NHSL1: variants seen among roughly 807,000 people sequenced by gnomAD.
NHSL1 encodes NHS like 1, also known as NHS-like protein 1.
In NHSL1, 48 loss-of-function variants were observed where a neutral mutation model predicts 95.0. The ratio of observed to expected loss-of-function variants is 0.51; its 90% confidence interval spans 0.40 to 0.64. The LOEUF is 0.64. Ranked by LOEUF, NHSL1 falls within the 30% of genes least tolerant of loss-of-function variation. The pLI is 0.00. For missense variants in NHSL1, 1,971 were observed against 2,077.7 expected (o/e 0.95, Z 1.00); for synonymous variants, 783 against 833.9 (o/e 0.94, Z 1.05).
intron 1 of NHSL1, among the ~76,000 whole-genome samples, chr6:138,647,849 C>T (rs1412002712): frequency 6.6e-6 from 1 of 152,172 alleles, no homozygotes; most frequent in Non-Finnish European, 1.5e-5. Flanking sequence ...CCACCTGCCT[C>T]GGCCTCCCAA....
At chr6:138,685,117 A>T (rs1035075483) in intron 1 of NHSL1, among the ~76,000 whole-genome samples, 1 of 152,078 alleles carries the variant, frequency 6.6e-6, no homozygotes, top group Non-Finnish European at 1.5e-5. Context: ...CTTTTGTTAA[A>T]TTTTTTCATT....
intron 4 of NHSL1, among the ~76,000 whole-genome samples, chr6:138,442,678 G>A (rs757126823): frequency 6.6e-6 from 1 of 152,162 alleles, no homozygotes; most frequent in Non-Finnish European, 1.5e-5. Context: ...AAAATGAAAC[G>A]CCTTATAATG....
intron 1 of NHSL1, chr6:138,650,506 T>C (rs62432537): frequency 0.026 from 17,649 of 683,052 alleles, 309 homozygotes; most frequent in Non-Finnish European, 0.031. Context: ...AGGTAGGCAC[T>C]GATGAAGTAG....
chr6:138,516,763 T>C (rs1781477849), intron 1 of NHSL1, among the ~76,000 whole-genome samples: 1 of 152,098 alleles, frequency 6.6e-6, no homozygotes, highest in Non-Finnish European at 1.5e-5. Context: ...ACCTCCCAAG[T>C]AGTTGGGACT....
At chr6:138,529,113 T>A (rs1448770378) in intron 1 of NHSL1, among the ~76,000 whole-genome samples, 2 of 152,204 alleles carry the variant, frequency 1.3e-5, no homozygotes, top group African/African-American at 4.8e-5. Context: ...TTCCCTTGAT[T>A]GATGTCTCCG....
intron 7 of NHSL1, among the ~76,000 whole-genome samples, chr6:138,426,713 T>C (rs1221489364): frequency 2.0e-5 from 3 of 152,166 alleles, no homozygotes; most frequent in African/African-American, 7.2e-5. Flanking sequence ...GTCAAAAAGA[T>C]GCCACTAAAG....
upstream of NHSL1, among the ~76,000 whole-genome samples, chr6:138,500,519 A>C (rs974045309): frequency 6.6e-6 from 1 of 152,254 alleles, no homozygotes; most frequent in Non-Finnish European, 1.5e-5. Context: ...AACACTTTTG[A>C]AACAATTTAG....
chr6:138,673,157 A>G (rs1785400907), intron 1 of NHSL1, among the ~76,000 whole-genome samples: 1 of 152,168 alleles, frequency 6.6e-6, no homozygotes, highest in African/African-American at 2.4e-5. Context: ...GTAACTTGGA[A>G]TCCAGTAACT....
At chr6:138,489,911 G>GGGAGAGA (rs1779960302) in intron 2 of NHSL1, among the ~76,000 whole-genome samples, 1 of 55,730 alleles carries the variant, frequency 1.8e-5, no homozygotes, top group Non-Finnish European at 3.0e-5. Flanking sequence ...AGAGCGAGAG[G>GGGAGAGA]GGGAGAGGGG....
intron 1 of NHSL1, among the ~76,000 whole-genome samples, chr6:138,606,345 C>A (rs1355583176): frequency 6.6e-6 from 1 of 152,204 alleles, no homozygotes; most frequent in African/African-American, 2.4e-5. Flanking sequence ...CACAACATTT[C>A]AAAATAACAA....
intron 3 of NHSL1, among the ~76,000 whole-genome samples, chr6:138,450,531 C>T (rs1777160208): frequency 1.3e-5 from 2 of 152,212 alleles, no homozygotes; most frequent in Admixed American, 1.3e-4. Flanking sequence ...GTAAGCATCT[C>T]AATGGTGCTC....
At chr6:138,574,982 C>A (rs1365227399), upstream of NHSL1, among the ~76,000 whole-genome samples, 1 of 152,208 alleles carries the variant, frequency 6.6e-6, no homozygotes, top group Admixed American at 6.5e-5. Flanking sequence ...TCATCACAAC[C>A]TCTGCCTCTC....
intron 3 of NHSL1, among the ~76,000 whole-genome samples, chr6:138,466,041 T>TGGAG (rs1554229051): frequency 8.0e-6 from 1 of 125,552 alleles, no homozygotes; most frequent in African/African-American, 2.9e-5. Flanking sequence ...CACTCCTTTT[T>TGGAG]GGGGGGGGGG....
At chr6:138,478,936 T>C (rs1779253011) in intron 2 of NHSL1, among the ~76,000 whole-genome samples, 1 of 152,186 alleles carries the variant, frequency 6.6e-6, no homozygotes, top group Non-Finnish European at 1.5e-5. Context: ...AAAAAAATAA[T>C]GTCATAGCGC....
At chr6:138,559,877 C>T (rs1176510392) in intron 1 of NHSL1, among the ~76,000 whole-genome samples, 1 of 152,176 alleles carries the variant, frequency 6.6e-6, no homozygotes. Flanking sequence ...TCCATGTACG[C>T]ATGCCATGCA....
At chr6:138,685,065 C>G (rs1006220556) in intron 1 of NHSL1, among the ~76,000 whole-genome samples, 1 of 151,852 alleles carries the variant, frequency 6.6e-6, no homozygotes, top group Non-Finnish European at 1.5e-5. Context: ...AGTTTTGTTT[C>G]TGAATTTTCT....
At chr6:138,462,382 C>T (rs1778055187) in intron 3 of NHSL1, among the ~76,000 whole-genome samples, 1 of 152,122 alleles carries the variant, frequency 6.6e-6, no homozygotes, top group African/African-American at 2.4e-5. Context: ...TAATCTATTC[C>T]CACAAGAACC....
At chr6:138,532,024 G>A (rs894296032) in intron 1 of NHSL1, among the ~76,000 whole-genome samples, 1 of 152,192 alleles carries the variant, frequency 6.6e-6, no homozygotes, top group Non-Finnish European at 1.5e-5. Context: ...GTAACTCAGA[G>A]AAGGGGTTAC....
intron 1 of NHSL1, among the ~76,000 whole-genome samples, chr6:138,663,482 C>G (rs1785254415): frequency 6.6e-6 from 1 of 150,834 alleles, no homozygotes; most frequent in Admixed American, 6.6e-5. Context: ...ATCACTCGAA[C>G]CCGGGGGGCA....
Sources: gnomAD v4.1 joint callset for allele counts (sites outside exome capture counted in the v4.1 genomes callset) on GRCh38, gnomAD v4.1.1 for gene constraint, MANE v1.5 for transcripts, NCBI Gene and HGNC (gene_info 2026-07-23, HGNC 2026-07-21) for gene names.